Variants in SASH3 observed in about 807,000 individuals in gnomAD.
SASH3 encodes SAM and SH3 domain-containing protein 3.
A neutral mutation model predicts 26.1 loss-of-function variants in SASH3; 7 were observed. The ratio of observed to expected loss-of-function variants is 0.27; its 90% CI spans 0.15 to 0.50. SASH3 has a LOEUF of 0.50. Ranked by LOEUF, SASH3 falls within the 20% of genes least tolerant of loss-of-function variation. SASH3 has a pLI of 0.98. For missense variants in SASH3, 231 were observed against 318.3 expected (o/e 0.73, Z 2.09); for synonymous variants, 138 against 136.8 (o/e 1.01, Z -0.06).
intron 7 of SASH3, 152 bp downstream of exon 7, chrX:129,793,291 G>T: frequency 1.5e-6 from 1 of 677,480 alleles, no homozygotes. Context: ...GAATTTCAGG[G>T]AAAGTGTACG....
intron 3 of SASH3, among the ~76,000 whole-genome samples, chrX:129,789,814 G>A (rs1275623193): frequency 3.6e-5 from 4 of 112,123 alleles, no homozygotes; most frequent in African/African-American, 3.2e-5. Context: ...GAGTTGGCTC[G>A]TACTGGGCTT....
Position 129,794,450 on chromosome X carries a change from A to G in SASH3, c.*618A>G. On this transcript the variant is annotated 3_prime_UTR_variant, in exon 8 of 8. Transcript: ENST00000356892. Reference sequence around the variant, plus strand: ...GTGGCTTCCTCTTTCTAGGCTTAGGACGGGTTGGGGTTAGAAAGGGTGATC... The same window carrying G: ...GTGGCTTCCTCTTTCTAGGCTTAGGGCGGGTTGGGGTTAGAAAGGGTGATC... 9.0e-6 allele frequency: 1 copy of G among 111,711 alleles called. No individual in the cohort carries two copies. Among genetic ancestry groups the G allele is most frequent in the Non-Finnish European group, 1.9e-5 (1 of 53,251 alleles). The allele number at this position is 111,711 out of a possible 1,213,427, so 9.2% of individuals were successfully genotyped here. A position where few individuals can be genotyped will look rare whatever the true frequency, so the allele number is the denominator to read the frequency against.
Position 129,780,040 on chromosome X carries a change from G to A in SASH3, c.-58G>A. ...GCAGTTCTGGTGAGGCTAAGCAAGA[G>A]GCCTCTGCATCTTGACACCTAGGAG... is the stretch of plus-strand genomic sequence containing the variant. On this transcript the variant is annotated 5_prime_UTR_variant, in exon 1 of 8. Coordinates refer to ENST00000356892, the MANE Select transcript of SASH3 (RefSeq NM_018990.4). 2 of 1,126,130 alleles carry A rather than the reference G, an allele frequency of 1.8e-6. No individual in the cohort carries two copies. The highest frequency in any genetic ancestry group is 1.8e-5 in the African/African-American group (1 of 56,209). 92.8% of individuals were successfully genotyped at this position (1,126,130 alleles called of 1,213,427 possible).
Position 129,793,863 on chromosome X carries a change from C to T in SASH3, c.*31C>T, listed in dbSNP as rs185386000. The T allele has an allele frequency of 2.6e-6, 3 of 1,142,898 alleles. No homozygotes were observed. The Admixed American group carries it at 7.8e-5, about 30-fold the overall frequency. 94.2% of individuals were successfully genotyped at this position (1,142,898 alleles called of 1,213,427 possible). A position where few individuals can be genotyped will look rare whatever the true frequency, so the allele number is the denominator to read the frequency against. ...CGGTGGCAATAGGCCAAGGCTGGGA[C>T]CCAGCTGCAAAGGCTGTAGGAGTGG... is the stretch of plus-strand genomic sequence containing the variant. On this transcript the variant is annotated 3_prime_UTR_variant, in exon 8 of 8. Coordinates refer to ENST00000356892, the MANE Select transcript of SASH3 (RefSeq NM_018990.4).
At chrX:129,790,399 G>A (rs1471274006) in intron 3 of SASH3, among the ~76,000 whole-genome samples, 1 of 109,862 alleles carries the variant, frequency 9.1e-6, no homozygotes, top group African/African-American at 3.3e-5. Context: ...GTCTGGCTTG[G>A]TTGTGGGTTG....
In SASH3 at chrX:129,792,684, C is replaced by A. The variant is rs1232497430; in HGVS notation, c.649C>A (p.Leu217Ile). 1 of 1,211,528 alleles carries A rather than the reference C, an allele frequency of 8.3e-7. No homozygotes were observed. Among genetic ancestry groups the A allele is most frequent in the East Asian group, 3.0e-5 (1 of 33,850 alleles). ...KPPVGTWLGL[L>I]NGKVGSFKFI... Reference sequence around the variant, plus strand: ...ACCTGTGGGCACGTGGCTGGGCCTACTCAATGGCAAGGTGGGCTCTTTCAA... The same window carrying A: ...ACCTGTGGGCACGTGGCTGGGCCTAATCAATGGCAAGGTGGGCTCTTTCAA... The change falls in exon 6 of 8, where the codon CTC becomes ATC. Residue 217 changes from leucine to isoleucine, a missense_variant. Coordinates refer to ENST00000356892, the MANE Select transcript of SASH3 (RefSeq NM_018990.4).
At chrX:129,789,163 AAGAG>A (rs1421674074) in intron 3 of SASH3, among the ~76,000 whole-genome samples, 15 of 59,675 alleles carry the variant, frequency 2.5e-4, no homozygotes, top group South Asian at 8.4e-4. Flanking sequence ...GAAAGAAAGA[AAGAG>A]AAAAAAAAAA....
rs1353065839 is a variant in SASH3, at chrX:129,792,464, G to A, written c.579G>A (p.Ser193=). 21 of 1,210,173 alleles carry A rather than the reference G, an allele frequency of 1.7e-5. No individual in the cohort carries two copies. The highest frequency in any genetic ancestry group is 2.1e-5 in the Non-Finnish European group (19 of 895,231). ...CTCCCAGCCCCTATGACCACGACTC[G>A]CTGAAACTGCAGGTAAGATCAGCAT... The part of the protein sequence containing the change: ...DFTPSPYDHD[S]LKLQKGDVIQ... The change falls in exon 5 of 8, where the codon TCG becomes TCA. Residue 193 remains serine (S), a synonymous_variant. Coordinates refer to ENST00000356892, the MANE Select transcript of SASH3 (RefSeq NM_018990.4).
intron 2 of SASH3, 122 bp downstream of exon 2, chrX:129,788,192 G>A (rs1927144464): frequency 1.0e-5 from 6 of 580,276 alleles, no homozygotes; most frequent in Non-Finnish European, 1.6e-5. Context: ...TAACACAGAG[G>A]GTCCACCTCT....
chrX:129,786,864 AG>A (rs1414385068), intron 1 of SASH3, among the ~76,000 whole-genome samples: 1 of 110,348 alleles, frequency 9.1e-6, no homozygotes, highest in Non-Finnish European at 1.9e-5. Context: ...GCCTGGTGGC[AG>A]GCACCTGTAG....
At chrX:129,780,831 G>T (rs1231839950) in intron 1 of SASH3, among the ~76,000 whole-genome samples, 1 of 112,577 alleles carries the variant, frequency 8.9e-6, no homozygotes, top group Non-Finnish European at 1.9e-5. Context: ...GAGAAATTAA[G>T]TTGAGGTGGT....
rs1821432758 is a variant in SASH3, at chrX:129,793,736, A to G, written c.1047A>G (p.Ser349=). ...CCAAGGTGGACATCCCGCGCGACTC[A>G]GGCTGCTTTGAGGGCTCGGAGAGCG... ...SEPKVDIPRD[S]GCFEGSESGR... Residue 349 remains serine (S), a synonymous_variant, in exon 8 of 8, where the codon TCA becomes TCG. Coordinates refer to ENST00000356892, the MANE Select transcript of SASH3 (RefSeq NM_018990.4). The G allele has an allele frequency of 6.6e-6, 8 of 1,211,468 alleles. No individual in the cohort carries two copies. The highest frequency in any genetic ancestry group is 8.9e-6 in the Non-Finnish European group (8 of 895,062).
At position 129,788,038 on chromosome X, in the gene SASH3, G is replaced by C; in HGVS notation, c.121G>C (p.Val41Leu). The change falls in exon 2 of 8, where the codon GTG becomes CTG. Residue 41 changes from valine (V) to leucine (L), a missense_variant. Val to Leu is a conservative substitution (Grantham distance 32). Coordinates refer to ENST00000356892, the MANE Select transcript of SASH3 (RefSeq NM_018990.4). ...FAKSKPSSPV[V>L]SEKEFNLDDN... ...CAAATCCAAACCCAGCTCCCCCGTG[G>C]TGAGCGAGAAGGAGTTTAATCTGGA... The C allele has an allele frequency of 8.4e-7, 1 of 1,185,033 alleles. No homozygotes were observed. The highest frequency in any genetic ancestry group is 1.1e-6 in the Non-Finnish European group (1 of 878,670).
In SASH3 at chrX:129,793,827, C is replaced by A; in HGVS notation, c.1138C>A (p.Pro380Thr). 8.5e-7 allele frequency: 1 copy of A among 1,180,264 alleles called. No individual in the cohort carries two copies. Residue 380 changes from proline (P) to threonine (T), a missense_variant, in exon 8 of 8, where the codon CCT becomes ACT. Transcript: ENST00000356892. ...QLQGLSLAGA[P>T] is the part of the protein sequence containing the mutation. ...GCAAGGCCTCTCCCTGGCCGGGGCA[C>A]CTTGAGGTGGCGGTGGCAATAGGCC...
chrX:129,788,261 T>C, intron 2 of SASH3, 170 bp from the exon 3 acceptor site: 2 of 549,577 alleles, frequency 3.6e-6, no homozygotes, highest in Non-Finnish European at 5.9e-6. Flanking sequence ...GCAAACTATT[T>C]ATAAATTTAT....
intron 7 of SASH3, 43 bp downstream of exon 7, chrX:129,793,182 C>T (rs369291897): frequency 3.1e-5 from 37 of 1,200,966 alleles, no homozygotes; most frequent in Middle Eastern, 2.3e-4. Flanking sequence ...GTGTGCCCAC[C>T]GGCATTCCAG....
intron 1 of SASH3, among the ~76,000 whole-genome samples, chrX:129,785,344 G>A (rs1927088953): frequency 9.0e-6 from 1 of 111,616 alleles, no homozygotes; most frequent in Admixed American, 9.5e-5. Context: ...ACTTGGGGCT[G>A]TCCCTGAGGT....
chrX:129,781,907 C>T (rs1927023390), intron 1 of SASH3, among the ~76,000 whole-genome samples: 1 of 112,618 alleles, frequency 8.9e-6, no homozygotes, highest in South Asian at 3.6e-4. Flanking sequence ...CCCCAGAAGC[C>T]AAGCTTCCAG....
Position 129,795,077 on chromosome X carries a change from T to C in SASH3, c.*1245T>C, listed in dbSNP as rs371826558. On this transcript the variant is annotated 3_prime_UTR_variant, in exon 8 of 8. Coordinates refer to ENST00000356892, the MANE Select transcript of SASH3 (RefSeq NM_018990.4). ...ACTACATCTAGGACTGCCGGCTAAG[T>C]GGACACACTTCTTGACCTCCTACCA... 5.4e-5 allele frequency: 6 copies of C among 111,327 alleles called. No homozygotes were observed. The East Asian group carries it at 1.7e-3, about 32-fold the overall frequency. The allele number at this position is 111,327 out of a possible 1,213,427, so 9.2% of individuals were successfully genotyped here.
Sources: allele counts gnomAD v4.1 joint callset (sites outside exome capture counted in the v4.1 genomes callset), GRCh38; gene constraint gnomAD v4.1.1; transcripts MANE v1.5; gene names NCBI Gene and HGNC (gene_info 2026-07-23, HGNC 2026-07-21).